MAP4K4: variants seen among roughly 807,000 people sequenced by gnomAD.
The protein encoded by MAP4K4 is HPK/GCK-like kinase HGK.
In MAP4K4, 38 loss-of-function variants were observed where a neutral mutation model predicts 189.6. The ratio of observed to expected loss-of-function variants is 0.20; its 90% CI spans 0.15 to 0.26. The LOEUF is 0.26. Among genes scored for constraint, MAP4K4 ranks in the 10% least tolerant of loss-of-function variants. The pLI is 1.00. For synonymous variants in MAP4K4, 610 were observed against 624.3 expected (o/e 0.98, Z 0.34); for missense variants, 1,054 against 1,726.9 (o/e 0.61, Z 6.91).
chr2:101,770,847 A>C (rs763728879), intron 2 of MAP4K4, among the ~76,000 whole-genome samples: 1 of 152,178 alleles, frequency 6.6e-6, no homozygotes, highest in African/African-American at 2.4e-5. Flanking sequence ...GGAGTAGACA[A>C]CTGTCACCAG....
chr2:101,733,396 G>A (rs541299401), intron 2 of MAP4K4, among the ~76,000 whole-genome samples: 48 of 152,272 alleles, frequency 3.2e-4, no homozygotes, highest in Non-Finnish European at 5.7e-4. Context: ...GCCCAGAGAG[G>A]GTGAAGTTCT....
intron 16 of MAP4K4, among the ~76,000 whole-genome samples, chr2:101,863,213 T>C (rs1361653431): frequency 6.6e-6 from 1 of 152,248 alleles, no homozygotes; most frequent in Non-Finnish European, 1.5e-5. Context: ...TATATGGAGA[T>C]ACCTGGGTTA....
chr2:101,830,866 G>A (rs573267665), intron 6 of MAP4K4, among the ~76,000 whole-genome samples: 5 of 152,298 alleles, frequency 3.3e-5, no homozygotes, highest in South Asian at 2.1e-4. Flanking sequence ...TGCCTGGCCC[G>A]TGTGTCTCTG....
chr2:101,812,516 C>G (rs1457771673), intron 3 of MAP4K4, among the ~76,000 whole-genome samples: 2 of 152,076 alleles, frequency 1.3e-5, no homozygotes, highest in Non-Finnish European at 1.5e-5. Context: ...AACACAATGG[C>G]AAGTTAATGA....
intron 3 of MAP4K4, among the ~76,000 whole-genome samples, chr2:101,808,634 A>T (rs922509463): frequency 6.7e-6 from 1 of 149,572 alleles, no homozygotes; most frequent in African/African-American, 2.5e-5. Context: ...CAAAAAATTT[A>T]AGTGACGTTT....
chr2:101,851,724 CTT>C (rs36217584), intron 12 of MAP4K4, among the ~76,000 whole-genome samples: 2,002 of 66,140 alleles, frequency 0.03, 1 homozygote, highest in East Asian at 0.07. Context: ...TAACTGTCCT[CTT>C]TTTTTTTTTT....
Position 101,874,268 on chromosome 2 carries a change from C to G in MAP4K4, c.3241+16C>G. The G allele has an allele frequency of 6.3e-7, 1 of 1,596,246 alleles. No individual in the cohort carries two copies. Among genetic ancestry groups the G allele is most frequent in the East Asian group, 2.2e-5 (1 of 44,462 alleles). The stretch of plus-strand genomic sequence containing the variant: ...GCCTTATGGGGTAGGTGTCTAGCCA[C>G]TACTCCAACACTTTCATTTTTGTTC... On this transcript the variant is annotated intron_variant, in intron 26 of 32. Transcript: ENST00000324219.
Position 101,837,099 on chromosome 2 carries a change from CT to C in MAP4K4, c.773+1137del, listed in dbSNP as rs76757886. On this transcript the variant is annotated intron_variant, in intron 9 of 32. Coordinates refer to ENST00000324219, the Ensembl canonical transcript of MAP4K4. ...TCATTGATTCCCACCTACTATATGG[CT>C]TTTTTTTTTTTTTTTGAAACAGTTC... is the stretch of plus-strand genomic sequence containing the variant. Among the ~76,000 whole-genome samples the C allele has an allele frequency of 9.3e-3, 1,240 of 133,142 alleles. 11 individuals carry two copies. Among genetic ancestry groups the C allele is most frequent in the African/African-American group, 0.02 (704 of 35,816 alleles). The allele number at this position is 133,142 out of a possible 152,430, so 87.3% of individuals were successfully genotyped here.
chr2:101,740,805 T>C lies in MAP4K4; in HGVS notation c.123+42267T>C, dbSNP rs567663660. Among the ~76,000 whole-genome samples, 17 of 152,300 alleles carry C rather than the reference T, an allele frequency of 1.1e-4. No homozygotes were observed. In the South Asian group the frequency reaches 3.5e-3, roughly 32 times the overall value. The stretch of plus-strand genomic sequence containing the variant: ...TTTTAGAGTAAGGGAAGGAAACATG[T>C]CTGTTGAGAAAACCTTGCTAAATTT... On this transcript the variant is annotated intron_variant, in intron 2 of 32. Coordinates refer to ENST00000324219, the Ensembl canonical transcript of MAP4K4.
chr2:101,743,714 G>A (rs1012106599), intron 2 of MAP4K4, among the ~76,000 whole-genome samples: 1 of 152,084 alleles, frequency 6.6e-6, no homozygotes, highest in African/African-American at 2.4e-5. Flanking sequence ...CTGGAGTGCA[G>A]TGGCATGATC....
chr2:101,804,919 C>T (rs564885777), intron 3 of MAP4K4, among the ~76,000 whole-genome samples: 4 of 151,788 alleles, frequency 2.6e-5, no homozygotes, highest in Admixed American at 6.6e-5. Context: ...ACTAAAGATA[C>T]AAAAATTGGC....
At chr2:101,877,722 A>G (rs192153027) in intron 27 of MAP4K4, among the ~76,000 whole-genome samples, 1 of 151,758 alleles carries the variant, frequency 6.6e-6, no homozygotes, top group Non-Finnish European at 1.5e-5. Context: ...GTGAATTAAC[A>G]CAATTATGTC....
intron 2 of MAP4K4, among the ~76,000 whole-genome samples, chr2:101,784,054 G>A (rs1395162020): frequency 3.3e-5 from 5 of 152,190 alleles, no homozygotes; most frequent in Admixed American, 3.3e-4. Flanking sequence ...TCCATGTTCT[G>A]TCCTTTGATG....
At chr2:101,768,587 C>T (rs184361654) in intron 2 of MAP4K4, among the ~76,000 whole-genome samples, 7 of 152,200 alleles carry the variant, frequency 4.6e-5, no homozygotes, top group East Asian at 3.9e-4. Flanking sequence ...TGTAGTAATA[C>T]GTCTTTTACC....
At position 101,811,370 on chromosome 2, in the gene MAP4K4, C is replaced by CAA. The variant is rs71378177; in HGVS notation, c.181-12538_181-12537dup. Among the ~76,000 whole-genome samples the CAA allele has an allele frequency of 5.6e-3, 384 of 68,862 alleles. 16 individuals are homozygous for CAA. The highest frequency in any genetic ancestry group is 0.02 in the African/African-American group (355 of 17,498). 45.2% of individuals were successfully genotyped at this position (68,862 alleles called of 152,430 possible). A position where few individuals can be genotyped will look rare whatever the true frequency, so the allele number is the denominator to read the frequency against. On this transcript the variant is annotated intron_variant, in intron 3 of 32. Coordinates refer to ENST00000324219, the Ensembl canonical transcript of MAP4K4. ...ATGGCGACAGAGTGAGACTGCGTCT[C>CAA]AAAAAAAAAAAAAAAAAAAAAGAAT...
At chr2:101,887,585 G>A (rs1294719730) in intron 30 of MAP4K4, among the ~76,000 whole-genome samples, 193 bp from the exon 31 acceptor site, 1 of 152,194 alleles carries the variant, frequency 6.6e-6, no homozygotes, top group Non-Finnish European at 1.5e-5. Context: ...ATATGAGTCA[G>A]TAGAGTATAT....
chr2:101,789,169 T>C (rs1050333119), intron 2 of MAP4K4, among the ~76,000 whole-genome samples: 1 of 152,206 alleles, frequency 6.6e-6, no homozygotes, highest in Non-Finnish European at 1.5e-5. Context: ...AATAACAGGT[T>C]TGAAGGTTGG....
chr2:101,893,223 G>A (rs1278701093), exon 33 of MAP4K4: 1 of 456,320 alleles, frequency 2.2e-6, no homozygotes, highest in Non-Finnish European at 4.4e-6. Flanking sequence ...CATGAATGCA[G>A]ACACAGCAGC....
At chr2:101,784,799 T>C (rs560290223) in intron 2 of MAP4K4, among the ~76,000 whole-genome samples, 2 of 152,346 alleles carry the variant, frequency 1.3e-5, no homozygotes, top group East Asian at 3.9e-4. Flanking sequence ...AGTTGGTTAA[T>C]AGGACATTTG....
Sources: gnomAD v4.1 joint callset for allele counts (sites outside exome capture counted in the v4.1 genomes callset) on GRCh38, gnomAD v4.1.1 for gene constraint, MANE v1.5 for transcripts, NCBI Gene and HGNC (gene_info 2026-07-23, HGNC 2026-07-21) for gene names.